TMCC1: variants seen among roughly 807,000 people sequenced by gnomAD.
TMCC1 encodes transmembrane and coiled-coil domain family 1.
Under a neutral mutation model 52.4 loss-of-function variants are expected in TMCC1, and 15 were observed. The ratio of observed to expected loss-of-function variants is 0.29; its 90% CI spans 0.19 to 0.44. The LOEUF (loss-of-function observed/expected upper bound fraction) is 0.44. TMCC1 is among the 20% of genes least tolerant of loss of function. TMCC1 has a pLI of 1.00. For synonymous variants in TMCC1, 279 were observed against 301.9 expected (o/e 0.92, Z 0.79); for missense variants, 503 against 806.0 (o/e 0.62, Z 4.55).
At chr3:129,747,394 T>C (rs891346821) in intron 4 of TMCC1, among the ~76,000 whole-genome samples, 1 of 152,234 alleles carries the variant, frequency 6.6e-6, no homozygotes, top group Admixed American at 6.5e-5. Flanking sequence ...ACATAATATT[T>C]GGCTCCATTT....
intron 2 of TMCC1, among the ~76,000 whole-genome samples, chr3:129,865,575 A>G (rs2060585548): frequency 6.6e-6 from 1 of 152,226 alleles, no homozygotes; most frequent in Non-Finnish European, 1.5e-5. Context: ...GGTCTGTAAG[A>G]GCAGAAAATT....
chr3:129,804,757 T>C (rs1019746412), intron 4 of TMCC1, among the ~76,000 whole-genome samples: 2 of 152,144 alleles, frequency 1.3e-5, no homozygotes, highest in Admixed American at 1.3e-4. Flanking sequence ...ATAGAGCTTA[T>C]AGCACACCAC....
intron 4 of TMCC1, among the ~76,000 whole-genome samples, chr3:129,808,966 C>A (rs1322918638): frequency 2.9e-5 from 4 of 139,424 alleles, no homozygotes; most frequent in Non-Finnish European, 4.7e-5. Context: ...GAGAGCTTAA[C>A]AAACCTGGAA....
intron 1 of TMCC1, among the ~76,000 whole-genome samples, chr3:129,885,873 G>C (rs1196819144): frequency 6.6e-6 from 1 of 151,124 alleles, no homozygotes; most frequent in East Asian, 2.0e-4. Context: ...CTCCCGAGTA[G>C]CTGGGATTAC....
At chr3:129,790,799 G>C (rs1302131502) in intron 4 of TMCC1, among the ~76,000 whole-genome samples, 1 of 152,150 alleles carries the variant, frequency 6.6e-6, no homozygotes. Context: ...ATGTAGGTAA[G>C]TTTCAACTTA....
intron 5 of TMCC1, among the ~76,000 whole-genome samples, 192 bp from the exon 6 acceptor site, chr3:129,655,295 A>T (rs1340432504): frequency 6.6e-6 from 1 of 152,186 alleles, no homozygotes; most frequent in African/African-American, 2.4e-5. Context: ...CTCAAGGCCA[A>T]ATCACGTGGC....
chr3:129,729,510 T>C (rs1160624985), intron 4 of TMCC1, among the ~76,000 whole-genome samples: 1 of 152,204 alleles, frequency 6.6e-6, no homozygotes, highest in African/African-American at 2.4e-5. Context: ...CCTTGACTTT[T>C]GTCTCAATAA....
intron 4 of TMCC1, among the ~76,000 whole-genome samples, chr3:129,762,467 T>C (rs1400213632): frequency 6.6e-6 from 1 of 152,200 alleles, no homozygotes; most frequent in African/African-American, 2.4e-5. Context: ...CTTTTGGTTA[T>C]TTCCTCTTCT....
chr3:129,810,390 A>G (rs911941056), intron 4 of TMCC1, among the ~76,000 whole-genome samples: 1 of 152,098 alleles, frequency 6.6e-6, no homozygotes, highest in South Asian at 2.1e-4. Flanking sequence ...CAAGAGACAT[A>G]TATCACATAC....
chr3:129,708,845 CA>C (rs1305890894), intron 4 of TMCC1, among the ~76,000 whole-genome samples: 1 of 152,190 alleles, frequency 6.6e-6, no homozygotes, highest in Non-Finnish European at 1.5e-5. Context: ...TGAAATCCGG[CA>C]TACCCTATGT....
chr3:129,847,748 C>T (rs1199006486), intron 2 of TMCC1: 1 of 152,126 alleles, frequency 6.6e-6, no homozygotes, highest in African/African-American at 2.4e-5. Context: ...AGAAACTGCC[C>T]AATTGTCTTC....
intron 1 of TMCC1, among the ~76,000 whole-genome samples, chr3:129,885,181 CT>C (rs2061636675): frequency 6.6e-6 from 1 of 151,846 alleles, no homozygotes. Context: ...AAGAATGTTC[CT>C]TGTTTTCAAG....
intron 2 of TMCC1, among the ~76,000 whole-genome samples, chr3:129,838,199 C>T (rs1161581244): frequency 1.3e-5 from 2 of 151,718 alleles, no homozygotes; most frequent in Non-Finnish European, 2.9e-5. Context: ...TGGCTTGAGC[C>T]CAGGAGACCA....
chr3:129,759,588 T>G (rs1224237391), intron 4 of TMCC1, among the ~76,000 whole-genome samples: 3 of 150,102 alleles, frequency 2.0e-5, no homozygotes, highest in African/African-American at 7.3e-5. Context: ...TTTGAGAGTT[T>G]TTTTTTTTTT....
intron 4 of TMCC1, among the ~76,000 whole-genome samples, chr3:129,826,757 T>C (rs1001646005): frequency 3.1e-4 from 47 of 152,068 alleles, no homozygotes; most frequent in Non-Finnish European, 1.0e-4. Flanking sequence ...ACTCAGTATT[T>C]ATATTTCCAG....
At position 129,649,527 on chromosome 3, in the gene TMCC1, G is replaced by C. The variant is rs1352480929; in HGVS notation, c.*1954C>G. The C allele has an allele frequency of 6.6e-6, 1 of 152,440 alleles. No individual in the cohort carries two copies. Among genetic ancestry groups the C allele is most frequent in the Non-Finnish European group, 1.5e-5 (1 of 68,004 alleles). The allele number at this position is 152,440 out of a possible 1,614,324, so 9.4% of individuals were successfully genotyped here. A position where few individuals can be genotyped will look rare whatever the true frequency, so the allele number is the denominator to read the frequency against. ...GTGTACTACAATCAGCTGAGGTTGG[G>C]GTGAAGACTGGAGTACCTGAGTTAA... On this transcript the variant is annotated 3_prime_UTR_variant, in exon 7 of 7. Coordinates refer to ENST00000393238, the MANE Select transcript of TMCC1 (RefSeq NM_001017395.5).
Position 129,827,955 on chromosome 3 carries a change from C to T in TMCC1, c.424G>A (p.Gly142Ser). The stretch of plus-strand genomic sequence containing the variant: ...TGCATAACAGCTGTCATCTCCTGAC[C>T]AGACTTCCTGTTGATTTGGGGACTT... Reference protein sequence around the residue: ...KGSPQINRKSGQEMTAVMQSG... With the variant: ...KGSPQINRKSSQEMTAVMQSG... Residue 142 changes from glycine (G) to serine (S), a missense_variant, in exon 4 of 7, where the codon GGT becomes AGT. By Grantham distance (56) the Gly-to-Ser change is moderately conservative (BLOSUM62 0). Transcript: ENST00000393238. 1 of 1,614,110 alleles carries T rather than the reference C, an allele frequency of 6.2e-7. No homozygotes were observed. The highest frequency in any genetic ancestry group is 8.5e-7 in the Non-Finnish European group (1 of 1,180,008).
chr3:129,665,946 T>C (rs916079374), intron 5 of TMCC1, among the ~76,000 whole-genome samples: 3 of 152,192 alleles, frequency 2.0e-5, no homozygotes, highest in African/African-American at 7.2e-5. Flanking sequence ...GTAGTGGCCT[T>C]GTCACCATCA....
intron 4 of TMCC1, among the ~76,000 whole-genome samples, chr3:129,704,241 T>A: frequency 6.6e-6 from 1 of 152,130 alleles, no homozygotes; most frequent in East Asian, 1.9e-4. Context: ...GGGAAAACAG[T>A]CACTTAGGAA....
Sources: gnomAD v4.1 joint callset for allele counts (sites outside exome capture counted in the v4.1 genomes callset) on GRCh38, gnomAD v4.1.1 for gene constraint, MANE v1.5 for transcripts, NCBI Gene and HGNC (gene_info 2026-07-23, HGNC 2026-07-21) for gene names.